Variants in ADGRB3 observed in about 807,000 individuals in gnomAD.
ADGRB3 encodes adhesion G protein-coupled receptor B3.
In ADGRB3, 37 loss-of-function variants were observed where a neutral mutation model predicts 193.4. That is an observed-to-expected ratio of 0.19 (90% CI 0.15 to 0.25). ADGRB3 has a LOEUF of 0.25. Among genes scored for constraint, ADGRB3 ranks in the 10% least tolerant of loss-of-function variants. ADGRB3 has a pLI of 1.00. For missense variants in ADGRB3, 1,637 were observed against 1,852.9 expected (o/e 0.88, Z 2.14); for synonymous variants, 690 against 644.2 (o/e 1.07, Z -1.08).
intron 3 of ADGRB3, among the ~76,000 whole-genome samples, chr6:68,861,578 A>G (rs946943446): frequency 1.1e-4 from 16 of 152,128 alleles, no homozygotes; most frequent in Admixed American, 7.9e-4. Flanking sequence ...AAAAATAAAT[A>G]AATAAATTCT....
intron 16 of ADGRB3, among the ~76,000 whole-genome samples, chr6:69,068,214 G>T (rs1369511794): frequency 6.6e-6 from 1 of 152,154 alleles, no homozygotes; most frequent in African/African-American, 2.4e-5. Context: ...TGACTGTGCT[G>T]TGTTACAAGC....
intron 3 of ADGRB3, among the ~76,000 whole-genome samples, chr6:68,661,325 GTA>G (rs1285732546): frequency 0.046 from 4,050 of 89,002 alleles, 262 homozygotes; most frequent in African/African-American, 0.076. Context: ...GTGTGTGTGT[GTA>G]TATATATATA....
chr6:68,686,005 A>G (rs904621414), intron 3 of ADGRB3, among the ~76,000 whole-genome samples: 14 of 152,214 alleles, frequency 9.2e-5, no homozygotes, highest in Non-Finnish European at 1.8e-4. Context: ...GGACTTAACC[A>G]TGTCAATATA....
chr6:69,012,060 G>A (rs1224827578), intron 11 of ADGRB3, among the ~76,000 whole-genome samples: 2 of 151,934 alleles, frequency 1.3e-5, no homozygotes, highest in Non-Finnish European at 2.9e-5. Context: ...TGTTTTTTAT[G>A]TGTGCCCTTT....
rs565574153 is a variant in ADGRB3, at chr6:69,331,579, C to T, written c.3102+1007C>T. 2.1e-5 allele frequency: 21 copies of T among 985,264 alleles called. No homozygotes were observed. In the African/African-American group the frequency reaches 2.8e-4, roughly 13 times the overall value. The allele number at this position is 985,264 out of a possible 1,614,324, so 61.0% of individuals were successfully genotyped here. On this transcript the variant is annotated intron_variant, in intron 23 of 31. Coordinates refer to ENST00000370598, the MANE Select transcript of ADGRB3 (RefSeq NM_001704.3). ...AGCTGTAACAGGGAGCAGAAACTGTCTATAATTTGCAAGAAAAATAAAATC... is the reference window on the plus strand; with the variant it reads ...AGCTGTAACAGGGAGCAGAAACTGTTTATAATTTGCAAGAAAAATAAAATC...
intron 3 of ADGRB3, among the ~76,000 whole-genome samples, chr6:68,733,713 G>A (rs1765818861): frequency 6.6e-6 from 1 of 151,788 alleles, no homozygotes; most frequent in Non-Finnish European, 1.5e-5. Context: ...AATAGAAAGA[G>A]TGAATAAGAC....
intron 3 of ADGRB3, among the ~76,000 whole-genome samples, chr6:68,845,556 A>G (rs1768256797): frequency 1.3e-5 from 2 of 152,160 alleles, no homozygotes; most frequent in South Asian, 4.1e-4. Context: ...CCTAGGGGGA[A>G]GTAATTGAAT....
At chr6:69,034,678 A>G (rs190745533) in intron 13 of ADGRB3, among the ~76,000 whole-genome samples, 50 of 149,744 alleles carry the variant, frequency 3.3e-4, no homozygotes, top group Admixed American at 2.1e-3. Flanking sequence ...AGAGAGGAAG[A>G]CAGAGAGAGA....
At chr6:69,373,832 A>C (rs1386687941) in intron 30 of ADGRB3, among the ~76,000 whole-genome samples, 1 of 152,082 alleles carries the variant, frequency 6.6e-6, no homozygotes, top group East Asian at 1.9e-4. Flanking sequence ...ATATAGTAAA[A>C]ACCTAGAACT....
intron 20 of ADGRB3, among the ~76,000 whole-genome samples, chr6:69,319,813 G>A (rs1185878493): frequency 2.6e-5 from 4 of 151,142 alleles, no homozygotes; most frequent in African/African-American, 9.7e-5. Context: ...CAGTCTTTGG[G>A]TTTGAAGTAT....
At chr6:68,711,360 A>G (rs1056829032) in intron 3 of ADGRB3, among the ~76,000 whole-genome samples, 1 of 152,146 alleles carries the variant, frequency 6.6e-6, no homozygotes, top group African/African-American at 2.4e-5. Flanking sequence ...TATTTTGCAC[A>G]AGTGATTATG....
At chr6:68,789,419 A>G (rs1257427034) in intron 3 of ADGRB3, among the ~76,000 whole-genome samples, 1 of 152,132 alleles carries the variant, frequency 6.6e-6, no homozygotes, top group Non-Finnish European at 1.5e-5. Context: ...TATGAAGCTT[A>G]GTTTGGCTAG....
At chr6:69,132,178 T>C (rs531910941) in intron 17 of ADGRB3, among the ~76,000 whole-genome samples, 19 of 152,260 alleles carry the variant, frequency 1.2e-4, no homozygotes, top group African/African-American at 4.3e-4. Context: ...TATTTCTGAT[T>C]CTAGATCTTT....
chr6:69,009,550 G>A (rs891275303), intron 11 of ADGRB3, among the ~76,000 whole-genome samples: 1 of 152,118 alleles, frequency 6.6e-6, no homozygotes, highest in Non-Finnish European at 1.5e-5. Flanking sequence ...TGGAGAGACA[G>A]GAAGTGGCTG....
chr6:69,167,012 A>C (rs1775146079), intron 17 of ADGRB3, among the ~76,000 whole-genome samples: 1 of 152,156 alleles, frequency 6.6e-6, no homozygotes, highest in East Asian at 1.9e-4. Context: ...TTGTTCCTTT[A>C]AGAACATTTT....
rs1464127028 is a variant in ADGRB3 at position 69,007,726 on chromosome 6, CA to C, written c.1930-6311del. 7.9e-4 allele frequency among the ~76,000 whole-genome samples: 119 copies of C among 150,508 alleles called. 3 individuals are homozygous for C. Among genetic ancestry groups the C allele is most frequent in the Admixed American group, 6.0e-3 (91 of 15,078 alleles). ...ACACACACACACACACACACACACA[CA>C]CCCTGCTGACCTATTCAGTCTATTC... On this transcript the variant is annotated intron_variant, in intron 11 of 31. Coordinates refer to ENST00000370598, the MANE Select transcript of ADGRB3 (RefSeq NM_001704.3).
At chr6:69,024,815 G>A (rs1770377421) in intron 13 of ADGRB3, among the ~76,000 whole-genome samples, 1 of 152,088 alleles carries the variant, frequency 6.6e-6, no homozygotes, top group Non-Finnish European at 1.5e-5. Flanking sequence ...TAAGGCGACC[G>A]GGCACGGTGG....
At chr6:68,793,910 A>AT (rs1473568169) in intron 3 of ADGRB3, among the ~76,000 whole-genome samples, 1 of 152,158 alleles carries the variant, frequency 6.6e-6, no homozygotes, top group African/African-American at 2.4e-5. Context: ...TCATTGAAGC[A>AT]TTTTTTGTAT....
chr6:69,274,924 C>G (rs1767269085), intron 20 of ADGRB3, among the ~76,000 whole-genome samples: 1 of 152,080 alleles, frequency 6.6e-6, no homozygotes, highest in Non-Finnish European at 1.5e-5. Flanking sequence ...TTGTGCTTCC[C>G]CAACCCTCCT....
Sources: allele counts gnomAD v4.1 joint callset (sites outside exome capture counted in the v4.1 genomes callset), GRCh38; gene constraint gnomAD v4.1.1; transcripts MANE v1.5; gene names NCBI Gene and HGNC (gene_info 2026-07-23, HGNC 2026-07-21).